PDE1A: variants seen among roughly 807,000 people sequenced by gnomAD.
PDE1A encodes the protein phosphodiesterase 1A.
A neutral mutation model predicts 61.7 loss-of-function variants in PDE1A; 35 were observed. That is an observed-to-expected ratio of 0.57 (90% CI 0.43 to 0.75). The LOEUF (loss-of-function observed/expected upper bound fraction) is 0.75, where lower values mean the gene tolerates loss of function less well. Among genes scored for constraint, PDE1A ranks in the 30% least tolerant of loss-of-function variants. The pLI, the probability that PDE1A is intolerant of heterozygous loss-of-function variation, is 0.00. For synonymous variants in PDE1A, 232 were observed against 213.2 expected (o/e 1.09, Z -0.77); for missense variants, 597 against 630.6 (o/e 0.95, Z 0.57).
chr2:182,647,955 A>T, the PDE1A span, among the ~76,000 whole-genome samples: 2 of 152,216 alleles, frequency 1.3e-5, no homozygotes, highest in African/African-American at 4.8e-5. Context: ...TGAGGTGAGT[A>T]TCGGCAGGTT....
chr2:182,457,451 T>A (rs1046958020), intron 2 of PDE1A, among the ~76,000 whole-genome samples: 2 of 151,982 alleles, frequency 1.3e-5, no homozygotes, highest in Non-Finnish European at 2.9e-5. Context: ...AACAAAAAAA[T>A]TAGATAAAAA....
intron 2 of PDE1A, among the ~76,000 whole-genome samples, chr2:182,488,060 A>C (rs1559506742): frequency 6.6e-6 from 1 of 152,230 alleles, no homozygotes; most frequent in Non-Finnish European, 1.5e-5. Context: ...AAAAAAGTAT[A>C]AGTTGAATAG....
At chr2:182,405,187 TA>T (rs1033400899) in intron 1 of PDE1A, among the ~76,000 whole-genome samples, 2 of 152,224 alleles carry the variant, frequency 1.3e-5, no homozygotes, top group Non-Finnish European at 1.5e-5. Flanking sequence ...TGAAATGTTA[TA>T]TAGCACATGA....
At chr2:182,147,235 T>G in intron 13 of PDE1A, 83 bp from the exon 14 acceptor site, 1 of 697,774 alleles carries the variant, frequency 1.4e-6, no homozygotes, top group Non-Finnish European at 2.3e-6. Context: ...CTGAAGAACT[T>G]TATAAAATGT....
intron 2 of PDE1A, among the ~76,000 whole-genome samples, chr2:182,464,729 G>A (rs1394011151): frequency 6.6e-6 from 1 of 152,098 alleles, no homozygotes; most frequent in Admixed American, 6.6e-5. Flanking sequence ...CAGGGTCAGG[G>A]TGGTCAGTGA....
chr2:182,524,607 T>C (rs903822079), upstream of PDE1A, among the ~76,000 whole-genome samples: 1 of 152,092 alleles, frequency 6.6e-6, no homozygotes, highest in Non-Finnish European at 1.5e-5. Context: ...AAATAAAATT[T>C]TGAATAATAA....
intron 1 of PDE1A, among the ~76,000 whole-genome samples, chr2:182,357,230 A>G (rs900841173): frequency 3.3e-5 from 5 of 152,124 alleles, no homozygotes; most frequent in African/African-American, 4.8e-5. Flanking sequence ...CTTAAAAAAT[A>G]AAGATTCAAT....
chr2:182,658,047 TA>T, the PDE1A span, among the ~76,000 whole-genome samples: 64 of 66,674 alleles, frequency 9.6e-4, no homozygotes, highest in Non-Finnish European at 1.2e-3. Flanking sequence ...AGCTTCTCAG[TA>T]AAAAAAAAAA....
the PDE1A span, among the ~76,000 whole-genome samples, chr2:182,586,908 T>C: frequency 1.2e-4 from 19 of 152,180 alleles, no homozygotes; most frequent in Non-Finnish European, 2.4e-4. Flanking sequence ...TGTGGACAAG[T>C]AATCTGTTAA....
At chr2:182,307,555 T>C (rs539470442) in intron 1 of PDE1A, among the ~76,000 whole-genome samples, 1 of 152,186 alleles carries the variant, frequency 6.6e-6, no homozygotes, top group South Asian at 2.1e-4. Flanking sequence ...GTCTGTGATA[T>C]TCTGTTATAG....
the PDE1A span, among the ~76,000 whole-genome samples, chr2:182,687,812 A>C: frequency 6.6e-6 from 1 of 152,174 alleles, no homozygotes. Flanking sequence ...AACTAGAACA[A>C]CCAATGCAGA....
At chr2:182,537,167 T>C in the PDE1A span, among the ~76,000 whole-genome samples, 2 of 152,192 alleles carry the variant, frequency 1.3e-5, no homozygotes, top group Admixed American at 6.5e-5. Context: ...TACATAGCCA[T>C]ACCAACTGGA....
chr2:182,158,590 C>A (rs1383988467), intron 13 of PDE1A, among the ~76,000 whole-genome samples: 2 of 152,156 alleles, frequency 1.3e-5, no homozygotes, highest in Non-Finnish European at 2.9e-5. Flanking sequence ...GAGTTAATAT[C>A]TTTGAGTTGA....
intron 2 of PDE1A, among the ~76,000 whole-genome samples, chr2:182,250,677 T>A (rs959067237): frequency 2.6e-5 from 4 of 152,158 alleles, no homozygotes; most frequent in African/African-American, 7.2e-5. Context: ...CATGAGTGAC[T>A]ATGAAGACTG....
intron 2 of PDE1A, among the ~76,000 whole-genome samples, chr2:182,508,962 A>G (rs79283796): frequency 2.2e-5 from 3 of 133,514 alleles, no homozygotes; most frequent in Non-Finnish European, 4.9e-5. Context: ...CCTCCCCCCT[A>G]CCCCCAGCCC....
chr2:182,443,432 AG>A (rs1213124155), intron 2 of PDE1A, among the ~76,000 whole-genome samples: 1 of 151,896 alleles, frequency 6.6e-6, no homozygotes, highest in Non-Finnish European at 1.5e-5. Flanking sequence ...TTGTTGGAGG[AG>A]GTACCTGGTG....
chr2:182,225,609 T>A (rs1689079851), intron 6 of PDE1A, among the ~76,000 whole-genome samples: 1 of 151,930 alleles, frequency 6.6e-6, no homozygotes, highest in Non-Finnish European at 1.5e-5. Context: ...TTATTTACCC[T>A]CTTAGCTACA....
the PDE1A span, among the ~76,000 whole-genome samples, chr2:182,613,919 CA>C: frequency 6.6e-6 from 1 of 152,176 alleles, no homozygotes; most frequent in Non-Finnish European, 1.5e-5. Context: ...TCAATGATGA[CA>C]TATTTTTGCA....
chr2:182,188,304 A>T (rs1323269243), intron 11 of PDE1A, among the ~76,000 whole-genome samples: 1 of 152,206 alleles, frequency 6.6e-6, no homozygotes, highest in Non-Finnish European at 1.5e-5. Flanking sequence ...ACGCTTTGTG[A>T]TGGGTGGTGC....
Sources: gnomAD v4.1 joint callset for allele counts (sites outside exome capture counted in the v4.1 genomes callset) on GRCh38, gnomAD v4.1.1 for gene constraint, MANE v1.5 for transcripts, NCBI Gene and HGNC (gene_info 2026-07-23, HGNC 2026-07-21) for gene names.